ZFHX3: variants seen among roughly 807,000 people sequenced by gnomAD.
ZFHX3 encodes the protein zinc finger homeobox protein 3.
ZFHX3 carries 42 observed loss-of-function variants against 279.1 expected under a neutral mutation model. The observed-to-expected ratio is 0.15, with a 90% CI of 0.12 to 0.19. ZFHX3 has a LOEUF of 0.19. Among genes scored for constraint, ZFHX3 ranks in the 10% least tolerant of loss-of-function variants. The pLI is 1.00. For synonymous variants in ZFHX3, 2,293 were observed against 1,957.8 expected (o/e 1.17, Z -4.52); for missense variants, 4,981 against 4,754.0 (o/e 1.05, Z -1.40).
At chr16:73,489,430 G>A (rs1597355727) in intron 2 of ZFHX3, among the ~76,000 whole-genome samples, 1 of 152,130 alleles carries the variant, frequency 6.6e-6, no homozygotes, top group East Asian at 1.9e-4. Flanking sequence ...ATTCCATTTA[G>A]GGCTTTTTTC....
intron 5 of ZFHX3, among the ~76,000 whole-genome samples, chr16:73,186,376 C>A (rs998456670): frequency 4.6e-5 from 7 of 151,964 alleles, no homozygotes; most frequent in African/African-American, 1.7e-4. Flanking sequence ...GTGAATAGAA[C>A]CCCCCTCACC....
intron 2 of ZFHX3, among the ~76,000 whole-genome samples, chr16:73,580,308 T>C (rs2051846489): frequency 6.6e-6 from 1 of 151,924 alleles, no homozygotes; most frequent in Admixed American, 6.5e-5. Flanking sequence ...TGAAACCCCA[T>C]CTCTACTAAA....
intron 4 of ZFHX3, among the ~76,000 whole-genome samples, chr16:72,860,487 G>A (rs1482469195): frequency 1.3e-5 from 2 of 152,200 alleles, no homozygotes; most frequent in African/African-American, 4.8e-5. Flanking sequence ...CTGGAATGCA[G>A]TGGCACGATC....
intron 3 of ZFHX3, among the ~76,000 whole-genome samples, chr16:73,391,321 G>A (rs2017009088): frequency 6.6e-6 from 1 of 152,124 alleles, no homozygotes. Flanking sequence ...CAGCCATGGT[G>A]ATGGACACCT....
In ZFHX3 at chr16:73,127,392, T is replaced by G. The variant is rs201697078; in HGVS notation, c.-897+3576A>C. The G allele has an allele frequency of 7.7e-5, 101 of 1,305,252 alleles. No individual in the cohort carries two copies. The Middle Eastern group carries it at 2.3e-3, about 30-fold the overall frequency. 80.9% of individuals were successfully genotyped at this position (1,305,252 alleles called of 1,614,324 possible). Reference sequence around the variant, plus strand: ...AACTGAATGGCTGCTAACTAAATATTTTTGGGGCCAGAGCCTTCCCAGGTA... The same window carrying G: ...AACTGAATGGCTGCTAACTAAATATGTTTGGGGCCAGAGCCTTCCCAGGTA... On this transcript the variant is annotated intron_variant, in intron 7 of 17. Transcript: ENST00000641206.
intron 5 of ZFHX3, among the ~76,000 whole-genome samples, chr16:73,223,403 G>A (rs1464012067): frequency 6.6e-6 from 1 of 152,060 alleles, no homozygotes; most frequent in Non-Finnish European, 1.5e-5. Flanking sequence ...TAGAAAACGG[G>A]CTAAAGACCT....
At chr16:72,914,274 G>A (rs891630749) in intron 3 of ZFHX3, among the ~76,000 whole-genome samples, 5 of 152,156 alleles carry the variant, frequency 3.3e-5, no homozygotes, top group Non-Finnish European at 7.3e-5. Flanking sequence ...AAGACAGTCC[G>A]CCTTCATCTC....
At chr16:73,420,953 G>T (rs780309892) in intron 3 of ZFHX3, 2 of 152,108 alleles carry the variant, frequency 1.3e-5, no homozygotes, top group Non-Finnish European at 2.9e-5. Flanking sequence ...TTGGAATTTT[G>T]GTCATGCCCA....
At chr16:73,054,751 G>A (rs1965514960) in intron 1 of ZFHX3, among the ~76,000 whole-genome samples, 1 of 151,964 alleles carries the variant, frequency 6.6e-6, no homozygotes, top group African/African-American at 2.4e-5. Flanking sequence ...TTACATTGGT[G>A]TAATTTAAAG....
intron 3 of ZFHX3, among the ~76,000 whole-genome samples, chr16:73,358,500 G>A (rs1051760244): frequency 6.6e-6 from 1 of 152,196 alleles, no homozygotes; most frequent in African/African-American, 2.4e-5. Flanking sequence ...CAAACCTTGA[G>A]ATGATGGCGG....
chr16:72,793,174 G>C lies in ZFHX3; in HGVS notation c.9427+81C>G, dbSNP rs1051413316. 2.0e-6 allele frequency: 3 copies of C among 1,520,060 alleles called. No individual in the cohort carries two copies. The highest frequency in any genetic ancestry group is 2.3e-5 in the East Asian group (1 of 44,116). 94.2% of individuals were successfully genotyped at this position (1,520,060 alleles called of 1,614,324 possible). On this transcript the variant is annotated intron_variant, in intron 9 of 9. Coordinates refer to ENST00000268489, the MANE Select transcript of ZFHX3 (RefSeq NM_006885.4). This position sits in a 1 kb window ranked among gnomAD's most constrained non-coding sequence, Gnocchi z 4.3. ...GCTTCCCATCTGCCCAGCACTCAGA[G>C]GGTTTGGGTGGTATCCACATAACAG...
intron 3 of ZFHX3, among the ~76,000 whole-genome samples, chr16:73,424,753 C>CCA (rs369088227): frequency 2.1e-5 from 2 of 95,820 alleles, no homozygotes; most frequent in South Asian, 4.2e-4. Context: ...TACCCTGTGT[C>CCA]AAAAAAAAAA....
intron 2 of ZFHX3, among the ~76,000 whole-genome samples, chr16:73,672,716 T>C (rs1277010312): frequency 6.8e-6 from 1 of 146,608 alleles, no homozygotes; most frequent in South Asian, 2.2e-4. Context: ...TTGTGGACAT[T>C]AAAAGGATCA....
At chr16:73,784,136 AAAG>A (rs1490496943) in intron 1 of ZFHX3, among the ~76,000 whole-genome samples, 4 of 152,188 alleles carry the variant, frequency 2.6e-5, no homozygotes, top group Non-Finnish European at 5.9e-5. Context: ...AAAGAAAAAA[AAAG>A]GAGACAGGTA....
intron 4 of ZFHX3, among the ~76,000 whole-genome samples, chr16:73,295,883 C>G (rs540506928): frequency 1.3e-5 from 2 of 152,354 alleles, no homozygotes; most frequent in African/African-American, 4.8e-5. Context: ...ACCTCCTCTG[C>G]AGGAAGTAGC....
chr16:73,349,587 G>A (rs988282817), intron 3 of ZFHX3, among the ~76,000 whole-genome samples: 16 of 150,792 alleles, frequency 1.1e-4, no homozygotes, highest in Non-Finnish European at 1.5e-4. Flanking sequence ...CTTGTCTATC[G>A]CTTTACCTCT....
At chr16:73,230,822 TA>T (rs927662970) in intron 5 of ZFHX3, among the ~76,000 whole-genome samples, 116 of 152,196 alleles carry the variant, frequency 7.6e-4, no homozygotes, top group Non-Finnish European at 3.8e-4. Context: ...AGAAAAGGAA[TA>T]AAAAAATCAG....
At chr16:73,429,718 T>C (rs1245445275) in intron 3 of ZFHX3, among the ~76,000 whole-genome samples, 3 of 152,154 alleles carry the variant, frequency 2.0e-5, no homozygotes, top group Non-Finnish European at 4.4e-5. Context: ...AATTTGAAGA[T>C]GGAACAAAAT....
intron 3 of ZFHX3, among the ~76,000 whole-genome samples, chr16:72,928,306 T>C (rs1242431298): frequency 7.6e-6 from 1 of 131,098 alleles, no homozygotes; most frequent in African/African-American, 2.8e-5. Flanking sequence ...CCACAATGTG[T>C]GCCCAATTGA....
Sources: allele counts gnomAD v4.1 joint callset (sites outside exome capture counted in the v4.1 genomes callset), GRCh38; gene constraint gnomAD v4.1.1; non-coding constraint Gnocchi (gnomAD v3.1); transcripts MANE v1.5; gene names NCBI Gene and HGNC (gene_info 2026-07-23, HGNC 2026-07-21).